The following MTARC2 variants were observed in gnomAD, a reference collection of about 807,000 sequenced individuals.
MTARC2 encodes the protein MOCO sulphurase C-terminal domain containing 2.
MTARC2 carries 27 observed loss-of-function variants against 35.6 expected under a neutral mutation model. The observed-to-expected ratio is 0.76, with a 90% CI of 0.56 to 1.04. The LOEUF is 1.04. MTARC2 is among the 50% of genes least tolerant of loss of function. MTARC2 has a pLI of 0.00. For synonymous variants in MTARC2, 158 were observed against 167.1 expected (o/e 0.95, Z 0.42); for missense variants, 412 against 432.5 (o/e 0.95, Z 0.42).
At chr1:220,779,995 G>C in intron 4 of MTARC2, 23 bp from the exon 5 acceptor site, 1 of 1,519,982 alleles carries the variant, frequency 6.6e-7, no homozygotes, top group South Asian at 1.4e-5. Context: ...CCATTTAAAA[G>C]ATAACTTTCT....
In MTARC2 at chr1:220,784,042, T is replaced by C; in HGVS notation, c.*155T>C. Reference sequence around the variant, plus strand: ...GAAAACAATCTCGATTTTTGACTTTTCAAAGTTGTGTATGCTCCAGGTTAA... The same window carrying C: ...GAAAACAATCTCGATTTTTGACTTTCCAAAGTTGTGTATGCTCCAGGTTAA... On this transcript the variant is annotated 3_prime_UTR_variant, in exon 8 of 8. Transcript: ENST00000366913. The C allele has an allele frequency of 1.4e-6, 1 of 711,904 alleles. No individual in the cohort carries two copies. The highest frequency in any genetic ancestry group is 1.5e-5 in the South Asian group (1 of 66,746). 44.1% of individuals were successfully genotyped at this position (711,904 alleles called of 1,614,324 possible). A position where few individuals can be genotyped will look rare whatever the true frequency, so the allele number is the denominator to read the frequency against.
chr1:220,764,163 G>C (rs1005889635), intron 4 of MTARC2, among the ~76,000 whole-genome samples: 17 of 151,346 alleles, frequency 1.1e-4, no homozygotes, highest in African/African-American at 4.1e-4. Context: ...GCACGATCTC[G>C]GCTCGCTGCA....
chr1:220,754,946 G>A lies in MTARC2; in HGVS notation c.273-1G>A, dbSNP rs1445899919. 2 of 1,580,232 alleles carry A rather than the reference G, an allele frequency of 1.3e-6. No individual in the cohort carries two copies. Among genetic ancestry groups the A allele is most frequent in the Admixed American group, 3.6e-5 (2 of 55,556 alleles). On this transcript the variant is annotated splice_acceptor_variant, in intron 1 of 7. Transcript: ENST00000366913. LOFTEE classifies it high-confidence loss of function. The stretch of plus-strand genomic sequence containing the variant: ...GTGTGCCCTGGTTTGTTTCTCTGCA[G>A]GTTTTGGCTGGTGATTAAGGAAGAT...
chr1:220,755,003 G>T lies in MTARC2; in HGVS notation c.329G>T (p.Arg110Leu). Residue 110 changes from arginine to leucine, a missense_variant, in exon 2 of 8, where the codon CGC becomes CTC. Physicochemically the swap from Arg to Leu is moderately radical, Grantham distance 102. Transcript: ENST00000366913. ...ATGGTCACTGCCCGACAGGAGCCTC[G>T]CCTCGTGCTCATCTCCATCATTTAT... The part of the protein sequence containing the change: ...GHMVTARQEP[R>L]LVLISIIYEN... 3.7e-6 allele frequency: 6 copies of T among 1,612,532 alleles called. No individual in the cohort carries two copies. Among genetic ancestry groups the T allele is most frequent in the Non-Finnish European group, 5.1e-6 (6 of 1,179,320 alleles).
chr1:220,777,143 C>T (rs1022296841), intron 4 of MTARC2, among the ~76,000 whole-genome samples: 6 of 152,202 alleles, frequency 3.9e-5, no homozygotes, highest in Non-Finnish European at 5.9e-5. Flanking sequence ...ACGCAGTTAT[C>T]CTCAACTGGT....
chr1:220,750,330 G>T (rs943936916), intron 1 of MTARC2, among the ~76,000 whole-genome samples: 27 of 152,206 alleles, frequency 1.8e-4, no homozygotes, highest in African/African-American at 6.3e-4. Context: ...AATTAGTGTT[G>T]CAGGCTAGGT....
At chr1:220,781,979 C>T in intron 7 of MTARC2, 47 bp downstream of exon 7, 1 of 1,460,854 alleles carries the variant, frequency 6.8e-7, no homozygotes, top group Non-Finnish European at 9.2e-7. Flanking sequence ...GAAGCCATTG[C>T]TGCATTTTCT....
At position 220,762,359 on chromosome 1, in the gene MTARC2, C is replaced by T. The variant is rs74562674; in HGVS notation, c.609+539C>T. ...CATGTACGATGGTTTATACTAGGCT[C>T]AGTGCAAAAGACCAAAGCCTCTGAT... On this transcript the variant is annotated intron_variant, in intron 3 of 7. Transcript: ENST00000366913. Among the ~76,000 whole-genome samples the T allele has an allele frequency of 7.9e-3, 1,203 of 152,296 alleles. 21 individuals carry two copies. Among genetic ancestry groups the T allele is most frequent in the African/African-American group, 0.027 (1,141 of 41,554 alleles).
chr1:220,763,439 T>C (rs1396697948), intron 4 of MTARC2, among the ~76,000 whole-genome samples: 1 of 152,210 alleles, frequency 6.6e-6, no homozygotes, highest in Non-Finnish European at 1.5e-5. Flanking sequence ...AGAAGACCCA[T>C]GCCCCAAAGT....
At chr1:220,749,060 C>G (rs939132770) in intron 1 of MTARC2, among the ~76,000 whole-genome samples, 17 of 152,216 alleles carry the variant, frequency 1.1e-4, no homozygotes, top group African/African-American at 4.1e-4. Flanking sequence ...GGGGTCTGAC[C>G]TGTATCTCCA....
At chr1:220,779,188 T>A (rs1002423408) in intron 4 of MTARC2, among the ~76,000 whole-genome samples, 3 of 152,192 alleles carry the variant, frequency 2.0e-5, no homozygotes, top group African/African-American at 7.2e-5. Flanking sequence ...TGTATGTGTG[T>A]GTGTATAAAA....
intron 4 of MTARC2, among the ~76,000 whole-genome samples, chr1:220,777,623 G>T (rs570596805): frequency 1.3e-3 from 199 of 152,276 alleles, no homozygotes; most frequent in South Asian, 1.7e-3. Context: ...GTGAGGCCCC[G>T]TACCCCAATG....
At chr1:220,778,265 A>G (rs200404852) in intron 4 of MTARC2, among the ~76,000 whole-genome samples, 60 of 138,546 alleles carry the variant, frequency 4.3e-4, no homozygotes, top group South Asian at 4.8e-4. Context: ...AAAAAAAAAA[A>G]AAAGAAAGAA....
At chr1:220,773,080 C>T (rs1286952212) in intron 4 of MTARC2, among the ~76,000 whole-genome samples, 2 of 151,990 alleles carry the variant, frequency 1.3e-5, no homozygotes, top group East Asian at 3.9e-4. Flanking sequence ...AGAGGGGTGT[C>T]CCTAGACAGC....
At chr1:220,778,952 C>G (rs1558076291) in intron 4 of MTARC2, among the ~76,000 whole-genome samples, 1 of 152,154 alleles carries the variant, frequency 6.6e-6, no homozygotes, top group Admixed American at 6.5e-5. Flanking sequence ...ACATCTTTGC[C>G]CAATTCTGCA....
At chr1:220,770,350 C>T (rs1671709035) in intron 4 of MTARC2, 1 of 981,400 alleles carries the variant, frequency 1.0e-6, no homozygotes, top group Non-Finnish European at 1.2e-6. Flanking sequence ...TTTATCAGGT[C>T]TCATCCACTT....
rs562693444 is a variant in MTARC2 at position 220,768,528 on chromosome 1, G to A, written c.750+5478G>A. Among the ~76,000 whole-genome samples, 29 of 152,202 alleles carry A rather than the reference G, an allele frequency of 1.9e-4. No homozygotes were observed. The South Asian group carries it at 3.7e-3, about 20-fold the overall frequency. On this transcript the variant is annotated intron_variant, in intron 4 of 7. Coordinates refer to ENST00000366913, the MANE Select transcript of MTARC2 (RefSeq NM_017898.5). ...GTGAGGACTTGCACTGTGGCTGGCC[G>A]TCAAAAGTCCCTGAATATCAGCCAA...
chr1:220,779,897 T>C, intron 4 of MTARC2, 121 bp from the exon 5 acceptor site: 3 of 699,982 alleles, frequency 4.3e-6, no homozygotes, highest in Non-Finnish European at 6.6e-6. Context: ...TATTTCTTGG[T>C]GTCACCTTGT....
Position 220,748,722 on chromosome 1 carries a change from C to T in MTARC2, c.191C>T (p.Pro64Leu). ...VGTVAKLWIY[P>L]VKSCKGVPVS... ...ACCGTGGCGAAGCTCTGGATCTACC[C>T]GGTGAAATCCTGCAAAGGGGTGCCG... The change falls in exon 1 of 8, where the codon CCG (proline) becomes CTG (leucine). Residue 64 changes from proline to leucine, a missense_variant. By Grantham distance (98) the Pro-to-Leu change is moderately conservative (BLOSUM62 -3). Coordinates refer to ENST00000366913, the MANE Select transcript of MTARC2 (RefSeq NM_017898.5). 1 of 1,599,640 alleles carries T rather than the reference C, an allele frequency of 6.3e-7. No individual in the cohort carries two copies. The highest frequency in any genetic ancestry group is 8.5e-7 in the Non-Finnish European group (1 of 1,173,402).
Sources: gnomAD v4.1 joint callset for allele counts (sites outside exome capture counted in the v4.1 genomes callset) on GRCh38, gnomAD v4.1.1 for gene constraint, MANE v1.5 for transcripts, NCBI Gene and HGNC (gene_info 2026-07-23, HGNC 2026-07-21) for gene names.